The following ASPH variants were observed in gnomAD, a reference collection of about 807,000 sequenced individuals.
The protein encoded by ASPH is aspartate beta-hydroxylase, also known as aspartyl/asparaginyl beta-hydroxylase.
Under a neutral mutation model 118.4 loss-of-function variants are expected in ASPH, and 100 were observed. The observed-to-expected ratio is 0.84, with a 90% CI of 0.72 to 1.00. The LOEUF is 1.00. Among genes scored for constraint, ASPH ranks in the 50% least tolerant of loss-of-function variants. The probability of loss-of-function intolerance (pLI) is 0.00; values close to 1 mark genes in which losing one functional copy is unlikely to be tolerated. For synonymous variants in ASPH, 315 were observed against 325.6 expected (o/e 0.97, Z 0.35); for missense variants, 920 against 919.5 (o/e 1.00, Z -0.01).
intron 6 of ASPH, 119 bp downstream of exon 6, chr8:61,646,631 A>T (rs2151027352): frequency 8.3e-7 from 1 of 1,203,114 alleles, no homozygotes; most frequent in Middle Eastern, 2.2e-4. Context: ...TTTAAGCTTC[A>T]ACTTTTAAAA....
intron 17 of ASPH, among the ~76,000 whole-genome samples, chr8:61,565,497 G>A (rs1831378480): frequency 6.6e-6 from 1 of 152,160 alleles, no homozygotes; most frequent in Non-Finnish European, 1.5e-5. Context: ...AGGGAGAAGA[G>A]AGCTAGCAGA....
rs995265137 is a variant in ASPH, at chr8:61,525,850, T to C, written c.1900+127A>G. The C allele has an allele frequency of 3.7e-6, 5 of 1,336,844 alleles. No individual in the cohort carries two copies. In the African/African-American group the frequency reaches 7.4e-5, roughly 20 times the overall value. The allele number at this position is 1,336,844 out of a possible 1,614,324, so 82.8% of individuals were successfully genotyped here. A position where few individuals can be genotyped will look rare whatever the true frequency, so the allele number is the denominator to read the frequency against. On this transcript the variant is annotated intron_variant, in intron 22 of 24. Coordinates refer to ENST00000379454, the MANE Select transcript of ASPH (RefSeq NM_004318.4). ...AATGAATGGATTTCAAAAATCTAGG[T>C]TTTTTTGGGCCCCTCGTTTAAGCCT...
chr8:61,585,939 T>C (rs929153561), intron 14 of ASPH, among the ~76,000 whole-genome samples: 1 of 152,230 alleles, frequency 6.6e-6, no homozygotes, highest in Non-Finnish European at 1.5e-5. Context: ...CAGGATAGTA[T>C]ATGAAGCATT....
chr8:61,540,270 G>T (rs1821350087), intron 21 of ASPH, among the ~76,000 whole-genome samples: 1 of 152,100 alleles, frequency 6.6e-6, no homozygotes, highest in African/African-American at 2.4e-5. Flanking sequence ...TTAGAGGTGG[G>T]GCCTGGTGGG....
At chr8:61,550,372 A>G (rs7012700) in intron 20 of ASPH, among the ~76,000 whole-genome samples, 147,424 of 152,030 alleles carry the variant, frequency 0.97, 71,502 homozygotes, top group East Asian at 1. Flanking sequence ...GAAGTTAAAT[A>G]TATTTTATAT....
At chr8:61,639,354 T>C (rs1466182389) in intron 10 of ASPH, among the ~76,000 whole-genome samples, 1 of 152,128 alleles carries the variant, frequency 6.6e-6, no homozygotes, top group Non-Finnish European at 1.5e-5. Flanking sequence ...CTTCAGACCC[T>C]GACCCCATCC....
At chr8:61,552,643 ATTATT>A (rs1826410470) in intron 20 of ASPH, among the ~76,000 whole-genome samples, 1 of 152,234 alleles carries the variant, frequency 6.6e-6, no homozygotes, top group South Asian at 2.1e-4. Flanking sequence ...AAAAATTTAA[ATTATT>A]TCAGTGACAT....
intron 1 of ASPH, among the ~76,000 whole-genome samples, chr8:61,696,719 T>C (rs1267412917): frequency 2.0e-5 from 3 of 151,916 alleles, no homozygotes; most frequent in Non-Finnish European, 4.4e-5. Context: ...GTGATAATTA[T>C]TAGCATGGTG....
chr8:61,554,165 A>G (rs773130294), intron 19 of ASPH, among the ~76,000 whole-genome samples: 5 of 152,228 alleles, frequency 3.3e-5, no homozygotes. Flanking sequence ...CCACATGCCC[A>G]CAGGGCCCTG....
At chr8:61,529,861 G>A (rs1162949092) in intron 21 of ASPH, among the ~76,000 whole-genome samples, 1 of 152,172 alleles carries the variant, frequency 6.6e-6, no homozygotes, top group African/African-American at 2.4e-5. Flanking sequence ...ACTCTCTGGG[G>A]ACTCTTTTGT....
intron 24 of ASPH, among the ~76,000 whole-genome samples, chr8:61,509,089 G>C (rs1350669761): frequency 6.6e-6 from 1 of 152,068 alleles, no homozygotes; most frequent in Non-Finnish European, 1.5e-5. Context: ...GTATTTAAGG[G>C]GTTTGTAACT....
intron 3 of ASPH, chr8:61,665,107 A>G: frequency 1.4e-6 from 2 of 1,421,870 alleles, no homozygotes; most frequent in Non-Finnish European, 1.8e-6. Flanking sequence ...ATTTCAGGTA[A>G]TTTACTTGCT....
At chr8:61,684,016 C>T (rs200141244) in intron 2 of ASPH, 23 bp downstream of exon 2, 2 of 1,610,604 alleles carry the variant, frequency 1.2e-6, no homozygotes, top group East Asian at 2.2e-5. Context: ...TACAAATTCA[C>T]ATAAGGATAT....
At chr8:61,659,463 T>C (rs139823647) in intron 3 of ASPH, 1 of 152,306 alleles carries the variant, frequency 6.6e-6, no homozygotes. Context: ...GATGTATGCA[T>C]ACCTGACTTA....
At chr8:61,638,088 T>G (rs1564129185) in intron 11 of ASPH, 85 bp from the exon 12 acceptor site, 1 of 1,373,820 alleles carries the variant, frequency 7.3e-7, no homozygotes, top group Non-Finnish European at 1.0e-6. Context: ...TTCAGATTCC[T>G]AAATTAACTC....
At chr8:61,697,746 G>C (rs1199845017) in intron 1 of ASPH, among the ~76,000 whole-genome samples, 1 of 152,180 alleles carries the variant, frequency 6.6e-6, no homozygotes, top group Non-Finnish European at 1.5e-5. Context: ...GAAGTGCCAA[G>C]TTTCCATGTG....
Position 61,518,019 on chromosome 8 carries a change from A to T in ASPH, c.1992+13T>A, listed in dbSNP as rs373846066. On this transcript the variant is annotated intron_variant, in intron 23 of 24. Transcript: ENST00000379454. The stretch of plus-strand genomic sequence containing the variant: ...AATTAATTGTATTCTCCCCAGCACG[A>T]CACTCTTGGTACCTGTCCTCTTCTG... 1.2e-6 allele frequency: 2 copies of T among 1,603,880 alleles called. No individual in the cohort carries two copies. The highest frequency in any genetic ancestry group is 1.7e-6 in the Non-Finnish European group (2 of 1,171,538).
At chr8:61,582,406 G>C (rs952590157) in intron 15 of ASPH, among the ~76,000 whole-genome samples, 2 of 152,176 alleles carry the variant, frequency 1.3e-5, no homozygotes, top group African/African-American at 4.8e-5. Flanking sequence ...GAAAGTGGAG[G>C]TTGCCAAAGG....
In ASPH at chr8:61,691,281, C is replaced by T. The variant is rs150450693; in HGVS notation, c.104-7093G>A. Among the ~76,000 whole-genome samples, 68 of 152,242 alleles carry T rather than the reference C, an allele frequency of 4.5e-4. No homozygotes were observed. The East Asian group carries it at 0.01, about 23-fold the overall frequency. The stretch of plus-strand genomic sequence containing the variant: ...AGCCTTAAGAGGTTGGTACCATAGT[C>T]TGCAACCTATGGTACCAACATTTGA... On this transcript the variant is annotated intron_variant, in intron 1 of 24. Coordinates refer to ENST00000379454, the MANE Select transcript of ASPH (RefSeq NM_004318.4).
Sources: allele counts gnomAD v4.1 joint callset (sites outside exome capture counted in the v4.1 genomes callset), GRCh38; gene constraint gnomAD v4.1.1; transcripts MANE v1.5; gene names NCBI Gene and HGNC (gene_info 2026-07-23, HGNC 2026-07-21).